Variants in YEATS2 observed in about 807,000 individuals in gnomAD.
YEATS2 encodes the protein YEATS domain containing 2, also known as YEATS domain-containing protein 2.
A neutral mutation model predicts 163.2 loss-of-function variants in YEATS2; 77 were observed. The observed-to-expected ratio is 0.47, with a 90% CI of 0.39 to 0.57. The LOEUF is 0.57. Among genes scored for constraint, YEATS2 ranks in the 20% least tolerant of loss-of-function variants. YEATS2 has a pLI of 0.00. For missense variants in YEATS2, 1,549 were observed against 1,729.8 expected (o/e 0.90, Z 1.85); for synonymous variants, 631 against 645.1 (o/e 0.98, Z 0.33).
intron 8 of YEATS2, among the ~76,000 whole-genome samples, chr3:183,747,221 A>C (rs770085070): frequency 1.1e-4 from 17 of 152,170 alleles, no homozygotes; most frequent in African/African-American, 3.9e-4. Context: ...GAATGTATGC[A>C]TTTAAAATAT....
At chr3:183,707,021 CTGTG>C (rs1255608565) in intron 1 of YEATS2, among the ~76,000 whole-genome samples, 10 of 152,160 alleles carry the variant, frequency 6.6e-5, no homozygotes, top group Non-Finnish European at 1.5e-4. Context: ...CCTTCAGGCT[CTGTG>C]TGTAAGATAT....
chr3:183,803,884 T>A, intron 26 of YEATS2, 103 bp from the exon 27 acceptor site: 2 of 1,274,702 alleles, frequency 1.6e-6, no homozygotes, highest in Non-Finnish European at 2.1e-6. Context: ...AAAAAAAAAT[T>A]CTAACAGGTT....
chr3:183,734,707 A>G (rs1247067292), intron 7 of YEATS2, among the ~76,000 whole-genome samples: 2 of 152,234 alleles, frequency 1.3e-5, no homozygotes, highest in African/African-American at 4.8e-5. Context: ...GGTCTCATGC[A>G]GTGGTGAGTT....
chr3:183,709,888 G>A (rs1332874246), intron 1 of YEATS2, among the ~76,000 whole-genome samples: 2 of 151,562 alleles, frequency 1.3e-5, no homozygotes, highest in Admixed American at 1.3e-4. Context: ...CCCCATGTTA[G>A]CCAGGATGGT....
chr3:183,736,897 T>G, intron 8 of YEATS2, 68 bp downstream of exon 8: 1 of 1,400,466 alleles, frequency 7.1e-7, no homozygotes, highest in Non-Finnish European at 9.9e-7. Flanking sequence ...GATCCTTGAA[T>G]AGCATGGCGG....
intron 9 of YEATS2, among the ~76,000 whole-genome samples, chr3:183,748,257 CTT>C (rs1232220476): frequency 1.5e-4 from 20 of 135,378 alleles, no homozygotes; most frequent in Non-Finnish European, 1.9e-4. Flanking sequence ...CCTTCCCCTC[CTT>C]TTTTTTTTTT....
Position 183,762,260 on chromosome 3 carries a change from C to A in YEATS2, c.1928C>A (p.Ala643Glu), listed in dbSNP as rs773278132. 1 of 1,603,778 alleles carries A rather than the reference C, an allele frequency of 6.2e-7. No individual in the cohort carries two copies. The highest frequency in any genetic ancestry group is 1.1e-5 in the South Asian group (1 of 90,382). Residue 643 changes from alanine (A) to glutamate (E), a missense_variant, in exon 15 of 31, where the codon GCA becomes GAA. Ala to Glu is a moderately radical substitution (Grantham distance 107). Transcript: ENST00000305135. ...CCTGGAGAAGGGATTGCCCAGTCAG[C>A]AAAGGTTCAGCCCTCCAAGGTTTGT... ...ITPGEGIAQSAKVQPSKVVGV... is the reference protein window; with the variant it reads ...ITPGEGIAQSEKVQPSKVVGV...
intron 23 of YEATS2, 138 bp from the exon 24 acceptor site, chr3:183,800,327 GT>G: frequency 1.6e-6 from 1 of 627,676 alleles, no homozygotes; most frequent in Non-Finnish European, 2.9e-6. Flanking sequence ...AGCCATCTCA[GT>G]CCCCTGGCTG....
chr3:183,784,809 C>T (rs1027778833), intron 19 of YEATS2, among the ~76,000 whole-genome samples: 2 of 149,640 alleles, frequency 1.3e-5, no homozygotes, highest in African/African-American at 4.9e-5. Context: ...TGTGGTGGGT[C>T]ACGCCTGTAA....
At chr3:183,767,457 TACA>T (rs1340163594) in intron 15 of YEATS2, among the ~76,000 whole-genome samples, 8 of 151,878 alleles carry the variant, frequency 5.3e-5, no homozygotes, top group African/African-American at 1.9e-4. Context: ...CTCGGCTCAC[TACA>T]ACCTCCGCCT....
chr3:183,775,999 G>T lies in YEATS2; in HGVS notation c.2453G>T (p.Gly818Val). 1 of 1,609,690 alleles carries T rather than the reference G, an allele frequency of 6.2e-7. No individual in the cohort carries two copies. The highest frequency in any genetic ancestry group is 8.5e-7 in the Non-Finnish European group (1 of 1,177,168). Residue 818 changes from glycine to valine, a missense_variant, in exon 18 of 31, where the codon GGT becomes GTT. Coordinates refer to ENST00000305135, the MANE Select transcript of YEATS2 (RefSeq NM_018023.5). ...GGGGGGGSGS[G>V]GGGSTGGGGG... The stretch of plus-strand genomic sequence containing the variant: ...GGAGGAGGAGGCGGCAGTGGCAGCG[G>T]TGGAGGCGGCAGCACAGGAGGAGGA...
chr3:183,782,433 T>A (rs1021920479), intron 19 of YEATS2, among the ~76,000 whole-genome samples: 1 of 150,784 alleles, frequency 6.6e-6, no homozygotes, highest in African/African-American at 2.4e-5. Flanking sequence ...TTAATTTTTT[T>A]ATTTTTTGAG....
chr3:183,751,212 C>A (rs1720129978), intron 9 of YEATS2, among the ~76,000 whole-genome samples: 1 of 152,200 alleles, frequency 6.6e-6, no homozygotes, highest in Admixed American at 6.5e-5. Flanking sequence ...GTCTTTTCCC[C>A]CACTGAATGG....
At chr3:183,724,917 A>G (rs1352572881) in intron 6 of YEATS2, among the ~76,000 whole-genome samples, 2 of 151,114 alleles carry the variant, frequency 1.3e-5, no homozygotes, top group Admixed American at 1.3e-4. Context: ...CTAATTTTGT[A>G]TTTTTAGTAG....
At chr3:183,761,790 A>G (rs1721380861) in intron 14 of YEATS2, among the ~76,000 whole-genome samples, 176 bp downstream of exon 14, 1 of 152,166 alleles carries the variant, frequency 6.6e-6, no homozygotes, top group Non-Finnish European at 1.5e-5. Context: ...GTCCAGCAAG[A>G]TGGGGATTCA....
intron 19 of YEATS2, 64 bp downstream of exon 19, chr3:183,777,764 A>T (rs1723141450): frequency 6.5e-7 from 1 of 1,537,020 alleles, no homozygotes; most frequent in Non-Finnish European, 8.8e-7. Flanking sequence ...ACATATTTAC[A>T]TGTAGTTTCT....
At chr3:183,797,597 A>G (rs1448934716) in intron 21 of YEATS2, among the ~76,000 whole-genome samples, 1 of 149,968 alleles carries the variant, frequency 6.7e-6, no homozygotes, top group Non-Finnish European at 1.5e-5. Context: ...ATGGTGGCTC[A>G]TGTCTGTAAT....
At chr3:183,793,027 A>G (rs1228256709) in intron 21 of YEATS2, 22 of 854,882 alleles carry the variant, frequency 2.6e-5, no homozygotes, top group East Asian at 6.3e-5. Context: ...ATAATCTGGT[A>G]TAGACAGATA....
rs768731551 is a variant in YEATS2, at chr3:183,721,968, A to T, written c.369A>T (p.Ser123=). 2 of 1,614,160 alleles carry T rather than the reference A, an allele frequency of 1.2e-6. No homozygotes were observed. Among genetic ancestry groups the T allele is most frequent in the Admixed American group, 3.3e-5 (2 of 60,014 alleles). ...TTTTGGAATCACCATCTAGGTCATC[A>T]TCTCCTGCCAATCAGAGAGCAGAAA... ...KKFLESPSRS[S]SPANQRAETP... The change falls in exon 5 of 31, where the codon TCA becomes TCT. Residue 123 remains serine (S), a synonymous_variant. Coordinates refer to ENST00000305135, the MANE Select transcript of YEATS2 (RefSeq NM_018023.5).
Sources: allele counts gnomAD v4.1 joint callset (sites outside exome capture counted in the v4.1 genomes callset), GRCh38; gene constraint gnomAD v4.1.1; transcripts MANE v1.5; gene names NCBI Gene and HGNC (gene_info 2026-07-23, HGNC 2026-07-21).